The following GABARAPL2 variants were observed in gnomAD, a reference collection of about 807,000 sequenced individuals.
GABARAPL2 encodes the protein GABA type A receptor associated protein like 2, also known as gamma-aminobutyric acid receptor-associated protein-like 2.
Under a neutral mutation model 16.9 loss-of-function variants are expected in GABARAPL2, and 11 were observed. The observed-to-expected ratio is 0.65, with a 90% CI of 0.41 to 1.08. GABARAPL2 has a LOEUF of 1.08. GABARAPL2 is among the 50% of genes least tolerant of loss of function. GABARAPL2 has a pLI of 0.00. For missense variants in GABARAPL2, 134 were observed against 142.5 expected (o/e 0.94, Z 0.30); for synonymous variants, 57 against 50.7 (o/e 1.12, Z -0.53).
intron 3 of GABARAPL2, 135 bp from the exon 4 acceptor site, chr16:75,577,144 C>G (rs2080954381): frequency 3.2e-6 from 2 of 618,086 alleles, no homozygotes; most frequent in East Asian, 5.3e-5. Context: ...CTTTCTCTTG[C>G]TTTAAAACAG....
In GABARAPL2 at chr16:75,566,379, A is replaced by G. The variant is rs2080881251; in HGVS notation, c.-108A>G. On this transcript the variant is annotated 5_prime_UTR_variant, in exon 1 of 4. Transcript: ENST00000037243. ...CAGCCGGAAGTCCCGCCTGCCGTGT[A>G]GTCGCCGCCGTCGCTGCCGCTGCCG... The G allele has an allele frequency of 1.3e-6, 1 of 791,500 alleles. No individual in the cohort carries two copies. The highest frequency in any genetic ancestry group is 2.1e-6 in the Non-Finnish European group (1 of 475,060). The allele number at this position is 791,500 out of a possible 1,614,324, so 49.0% of individuals were successfully genotyped here. A position where few individuals can be genotyped will look rare whatever the true frequency, so the allele number is the denominator to read the frequency against.
chr16:75,569,831 C>T (rs2080904726), intron 3 of GABARAPL2, among the ~76,000 whole-genome samples: 1 of 152,124 alleles, frequency 6.6e-6, no homozygotes, highest in Non-Finnish European at 1.5e-5. Flanking sequence ...AATGATTTTT[C>T]AGGGCAGCAG....
At chr16:75,568,933 GT>G (rs1225911282) in intron 3 of GABARAPL2, among the ~76,000 whole-genome samples, 2 of 152,144 alleles carry the variant, frequency 1.3e-5, no homozygotes, top group African/African-American at 4.8e-5. Context: ...GTCCTTTCCC[GT>G]TACTGAGTGG....
chr16:75,577,582 T>C lies in GABARAPL2; in HGVS notation c.*213T>C. On this transcript the variant is annotated 3_prime_UTR_variant, in exon 4 of 4. Transcript: ENST00000037243. Reference sequence around the variant, plus strand: ...GAGTTTTTCTTTTTGTGCATTGTCCTCATGCCTGTATTCTCCAGGAAACTT... The same window carrying C: ...GAGTTTTTCTTTTTGTGCATTGTCCCCATGCCTGTATTCTCCAGGAAACTT... 4.2e-6 allele frequency: 2 copies of C among 476,972 alleles called. No homozygotes were observed. The highest frequency in any genetic ancestry group is 7.5e-6 in the Non-Finnish European group (2 of 266,688). The allele number at this position is 476,972 out of a possible 1,614,324, so 29.5% of individuals were successfully genotyped here.
chr16:75,566,549 T>G (rs377023735), intron 1 of GABARAPL2, 29 bp downstream of exon 1: 33 of 1,604,920 alleles, frequency 2.1e-5, no homozygotes, highest in Non-Finnish European at 2.8e-5. Context: ...GCCCGGCTGC[T>G]GGGGGCTGGG....
rs2080883201 is a variant in GABARAPL2 at position 75,566,494 on chromosome 16, G to A, written c.8G>A (p.Trp3Ter). The part of the protein sequence containing the change: MK[W>*]MFKEDHSLEH... ...CCCCTTCCCGCCGCCGCCATGAAGTGGATGTTCAAGGAGGACCACTCGCTG... is the reference window on the plus strand; with the variant it reads ...CCCCTTCCCGCCGCCGCCATGAAGTAGATGTTCAAGGAGGACCACTCGCTG... Residue 3 changes from tryptophan to a stop codon, truncating the protein, a stop_gained, in exon 1 of 4, where the codon TGG (tryptophan) becomes TAG (stop). Coordinates refer to ENST00000037243, the MANE Select transcript of GABARAPL2 (RefSeq NM_007285.7). LOFTEE classifies it high-confidence loss of function. The A allele has an allele frequency of 6.2e-7, 1 of 1,607,624 alleles. No homozygotes were observed. The highest frequency in any genetic ancestry group is 8.5e-7 in the Non-Finnish European group (1 of 1,177,706).
At chr16:75,573,337 C>A (rs2080927655) in intron 3 of GABARAPL2, among the ~76,000 whole-genome samples, 1 of 152,224 alleles carries the variant, frequency 6.6e-6, no homozygotes, top group African/African-American at 2.4e-5. Context: ...TCTGACTCTG[C>A]ATGTATGCAG....
At position 75,577,645 on chromosome 16, in the gene GABARAPL2, C is replaced by A; in HGVS notation, c.*276C>A. 3.2e-6 allele frequency: 1 copy of A among 312,110 alleles called. No homozygotes were observed. 19.3% of individuals were successfully genotyped at this position (312,110 alleles called of 1,614,324 possible). On this transcript the variant is annotated 3_prime_UTR_variant, in exon 4 of 4. Transcript: ENST00000037243. ...ATCATATTGAATGATATTTCTATAT[C>A]GAAGTGAGGTAGGTGCGGTATTAAA...
intron 3 of GABARAPL2, among the ~76,000 whole-genome samples, chr16:75,568,900 G>T (rs1339489930): frequency 6.6e-6 from 1 of 152,132 alleles, no homozygotes; most frequent in African/African-American, 2.4e-5. Context: ...AAAGTGGATG[G>T]GCTCCGTCTA....
intron 3 of GABARAPL2, among the ~76,000 whole-genome samples, chr16:75,569,353 C>T (rs2080901946): frequency 6.6e-6 from 1 of 152,214 alleles, no homozygotes; most frequent in Non-Finnish European, 1.5e-5. Flanking sequence ...CACTGGACGC[C>T]ATTGGTCTGC....
chr16:75,568,757 G>GAA (rs2080898330), intron 3 of GABARAPL2, among the ~76,000 whole-genome samples: 1 of 152,216 alleles, frequency 6.6e-6, no homozygotes, highest in South Asian at 2.1e-4. Flanking sequence ...CACTTGCTTT[G>GAA]ACTGTCAGAC....
chr16:75,577,074 G>T, intron 3 of GABARAPL2: 1 of 493,956 alleles, frequency 2.0e-6, no homozygotes, highest in Non-Finnish European at 3.6e-6. Flanking sequence ...ATTTACTTGG[G>T]AGGATGTCAA....
At chr16:75,572,550 T>C (rs577052490) in intron 3 of GABARAPL2, 3 of 152,404 alleles carry the variant, frequency 2.0e-5, no homozygotes, top group Admixed American at 1.3e-4. Flanking sequence ...CTGATGTCTG[T>C]CTTGAGTCAC....
chr16:75,566,428 C>A lies in GABARAPL2; in HGVS notation c.-59C>A. On this transcript the variant is annotated 5_prime_UTR_variant, in exon 1 of 4. Transcript: ENST00000037243. Reference sequence around the variant, plus strand: ...CGCTGCCGCCGTCGTTGTTGTTGTGCTCGGTGCGCTGAGCTCCGCGGCTCC... The same window carrying A: ...CGCTGCCGCCGTCGTTGTTGTTGTGATCGGTGCGCTGAGCTCCGCGGCTCC... The A allele has an allele frequency of 7.6e-7, 1 of 1,318,236 alleles. No individual in the cohort carries two copies. Among genetic ancestry groups the A allele is most frequent in the East Asian group, 2.5e-5 (1 of 40,162 alleles). The allele number at this position is 1,318,236 out of a possible 1,614,324, so 81.7% of individuals were successfully genotyped here.
At chr16:75,572,782 C>G (rs1471953375) in intron 3 of GABARAPL2, 1 of 152,266 alleles carries the variant, frequency 6.6e-6, no homozygotes, top group Non-Finnish European at 1.5e-5. Flanking sequence ...TTACCCGTTT[C>G]TTTCTTTGCC....
chr16:75,567,294 C>T lies in GABARAPL2; in HGVS notation c.90+387C>T, dbSNP rs116246244. On this transcript the variant is annotated intron_variant, in intron 2 of 3. Transcript: ENST00000037243. The stretch of plus-strand genomic sequence containing the variant: ...AGGACGTTCATCTTTTACTTTGTCT[C>T]CATCTTTACCTAACTTCTAGCTCCG... Among the ~76,000 whole-genome samples the T allele has an allele frequency of 3.0e-3, 452 of 152,306 alleles. 1 individual carries two copies. Among genetic ancestry groups the T allele is most frequent in the African/African-American group, 0.01 (434 of 41,556 alleles).
chr16:75,572,289 C>T (rs1041629705), intron 3 of GABARAPL2: 2 of 152,264 alleles, frequency 1.3e-5, no homozygotes, highest in Non-Finnish European at 2.9e-5. Flanking sequence ...GGTCACTGCC[C>T]TTCCACCTCC....
rs766211680 is a variant in GABARAPL2, at chr16:75,568,019, C to T, written c.91-18C>T. On this transcript the variant is annotated intron_variant, in intron 2 of 3. Coordinates refer to ENST00000037243, the MANE Select transcript of GABARAPL2 (RefSeq NM_007285.7). ...TCGCTTTAGGAAACACAGTCCTGAC[C>T]TCTCTTTACTTTCCCAGGTGATTGT... is the stretch of plus-strand genomic sequence containing the variant. 5 of 1,587,854 alleles carry T rather than the reference C, an allele frequency of 3.1e-6. No individual in the cohort carries two copies. The highest frequency in any genetic ancestry group is 2.7e-5 in the African/African-American group (2 of 74,470).
At chr16:75,577,018 G>A in intron 3 of GABARAPL2, 1 of 360,530 alleles carries the variant, frequency 2.8e-6, no homozygotes, top group Non-Finnish European at 5.1e-6. Context: ...AGGCATCCAT[G>A]TGTTAGCCAG....
Sources: gnomAD v4.1 joint callset for allele counts (sites outside exome capture counted in the v4.1 genomes callset) on GRCh38, gnomAD v4.1.1 for gene constraint, MANE v1.5 for transcripts, NCBI Gene and HGNC (gene_info 2026-07-23, HGNC 2026-07-21) for gene names.